The following FAIM2 variants were observed in gnomAD, a reference collection of about 807,000 sequenced individuals.
The protein encoded by FAIM2 is protein lifeguard 2.
FAIM2 carries 27 observed loss-of-function variants against 47.4 expected under a neutral mutation model. The observed-to-expected ratio is 0.57, with a 90% CI of 0.42 to 0.78. FAIM2 has a LOEUF of 0.78. FAIM2 is among the 30% of genes least tolerant of loss of function. The pLI, the probability that FAIM2 is intolerant of heterozygous loss-of-function variation, is 0.00. For synonymous variants in FAIM2, 156 were observed against 159.3 expected (o/e 0.98, Z 0.16); for missense variants, 311 against 389.4 (o/e 0.80, Z 1.69).
chr12:49,898,574 A>G (rs1198387897), intron 2 of FAIM2, among the ~76,000 whole-genome samples: 2 of 152,012 alleles, frequency 1.3e-5, no homozygotes, highest in Non-Finnish European at 2.9e-5. Context: ...CACTCAGGCT[A>G]GAGTGCAGTG....
intron 5 of FAIM2, among the ~76,000 whole-genome samples, chr12:49,894,033 A>G (rs1158209832): frequency 6.6e-6 from 1 of 152,098 alleles, no homozygotes; most frequent in Admixed American, 6.5e-5. Context: ...GGGGCCAAAG[A>G]CCCTGAGATT....
At chr12:49,886,640 A>G (rs1435200102) in intron 11 of FAIM2, among the ~76,000 whole-genome samples, 1 of 151,832 alleles carries the variant, frequency 6.6e-6, no homozygotes, top group African/African-American at 2.4e-5. Context: ...ACACCCGGCT[A>G]ATTTTTTTTG....
Position 49,890,480 on chromosome 12 carries a change from G to A in FAIM2, c.525+203C>T, listed in dbSNP as rs145286173. ...TTCACAATGAAAAAAGACAGTGGAT[G>A]GGGAACGGGCAAGATTAAGCCCATT... On this transcript the variant is annotated intron_variant, in intron 7 of 11. Transcript: ENST00000320634. Among the ~76,000 whole-genome samples the A allele has an allele frequency of 2.1e-4, 32 of 152,320 alleles. No individual in the cohort carries two copies. The East Asian group carries it at 5.2e-3, about 25-fold the overall frequency.
At chr12:49,899,383 T>C (rs946720997) in intron 2 of FAIM2, among the ~76,000 whole-genome samples, 1 of 152,182 alleles carries the variant, frequency 6.6e-6, no homozygotes, top group African/African-American at 2.4e-5. Flanking sequence ...GGTATTGCCC[T>C]GCTTTGAGCT....
rs1391165763 is a variant in FAIM2, at chr12:49,889,160, T to G, written c.694A>C (p.Met232Leu). Residue 232 changes from methionine to leucine, a missense_variant, in exon 10 of 12, where the codon ATG (methionine) becomes CTG (leucine). Met to Leu is a conservative substitution (Grantham distance 15, BLOSUM62 2). Coordinates refer to ENST00000320634, the MANE Select transcript of FAIM2 (RefSeq NM_012306.4). ...SCQGVLFVLL[M>L]TLFFSGLILA... is the part of the protein sequence containing the mutation. ...ATGAGTCCGCTGAAGAAAAGAGTCA[T>G]GAGAAGCACGAAGAGCACGCCCTGG... 6.2e-7 allele frequency: 1 copy of G among 1,612,528 alleles called. No individual in the cohort carries two copies. Among genetic ancestry groups the G allele is most frequent in the East Asian group, 2.2e-5 (1 of 44,872 alleles).
At position 49,870,464 on chromosome 12, in the gene FAIM2, G is replaced by A. The variant is rs924684574; in HGVS notation, c.*40C>T. ...CAGGGGAGGGACAGGGAACCAGGAG[G>A]GGCGCATTCTCTGGAGGACGGTGGG... On this transcript the variant is annotated 3_prime_UTR_variant, in exon 12 of 12. Coordinates refer to ENST00000320634, the MANE Select transcript of FAIM2 (RefSeq NM_012306.4). 37 of 1,590,544 alleles carry A rather than the reference G, an allele frequency of 2.3e-5. No individual in the cohort carries two copies. The highest frequency in any genetic ancestry group is 3.0e-5 in the Non-Finnish European group (35 of 1,161,914).
intron 8 of FAIM2, 104 bp downstream of exon 8, chr12:49,890,013 T>C (rs957056747): frequency 9.3e-6 from 11 of 1,178,408 alleles, no homozygotes; most frequent in Admixed American, 1.8e-5. Context: ...CCCGGGCCCA[T>C]CCACATGCTC....
rs1347449336 is a variant in FAIM2 at position 49,868,829 on chromosome 12, G to C, written c.*1675C>G. 2 of 152,332 alleles carry C rather than the reference G, an allele frequency of 1.3e-5. No homozygotes were observed. The highest frequency in any genetic ancestry group is 2.9e-5 in the Non-Finnish European group (2 of 68,154). 9.4% of individuals were successfully genotyped at this position (152,332 alleles called of 1,614,324 possible). On this transcript the variant is annotated 3_prime_UTR_variant, in exon 12 of 12. Coordinates refer to ENST00000320634, the MANE Select transcript of FAIM2 (RefSeq NM_012306.4). ...TCTCACCCGTGCCCCCAATGCCTTT[G>C]CTGCACACACACCACCCGCCAGTTC...
intron 11 of FAIM2, among the ~76,000 whole-genome samples, chr12:49,886,783 CTTAAT>C (rs1946864730): frequency 6.6e-6 from 1 of 152,114 alleles, no homozygotes; most frequent in Non-Finnish European, 1.5e-5. Flanking sequence ...GCCTCCCCAT[CTTAAT>C]TTATTAACAG....
Position 49,879,872 on chromosome 12 carries a change from G to A in FAIM2, c.801+7514C>T, listed in dbSNP as rs527573282. 2.4e-4 allele frequency among the ~76,000 whole-genome samples: 33 copies of A among 137,760 alleles called. No individual in the cohort carries two copies. In the East Asian group the frequency reaches 6.7e-3, roughly 28 times the overall value. 90.4% of individuals were successfully genotyped at this position (137,760 alleles called of 152,430 possible). ...TATGTATGTTCATGTGTATATGTACGTGTATGTGTATGTGTGCATGTGTAT... is the reference window on the plus strand; with the variant it reads ...TATGTATGTTCATGTGTATATGTACATGTATGTGTATGTGTGCATGTGTAT... On this transcript the variant is annotated intron_variant, in intron 11 of 11. Coordinates refer to ENST00000320634, the MANE Select transcript of FAIM2 (RefSeq NM_012306.4).
At chr12:49,892,383 T>A (rs546278490) in intron 5 of FAIM2, among the ~76,000 whole-genome samples, 16 of 152,192 alleles carry the variant, frequency 1.1e-4, no homozygotes, top group South Asian at 6.2e-4. Context: ...TGCCACTTCA[T>A]CCTCTCTTGC....
At position 49,889,893 on chromosome 12, in the gene FAIM2, G is replaced by A. The variant is rs532399360; in HGVS notation, c.563+224C>T. Among the ~76,000 whole-genome samples the A allele has an allele frequency of 1.7e-4, 26 of 152,194 alleles. 1 individual carries two copies. The highest frequency in any genetic ancestry group is 1.3e-3 in the Admixed American group (20 of 15,286). On this transcript the variant is annotated intron_variant, in intron 8 of 11. Coordinates refer to ENST00000320634, the MANE Select transcript of FAIM2 (RefSeq NM_012306.4). ...GGGCTTGTAAGCTACTGTTTGGGAG[G>A]AGCCACCTTGCTCCCCACCCCCTAT...
rs56101227 is a variant in FAIM2 at position 49,880,881 on chromosome 12, AGT to A, written c.801+6503_801+6504del. ...GCATGTGTGTATATGCGTGAATGTG[AGT>A]GTGTGTGTGTGTGTGTGTCTCTCTG... On this transcript the variant is annotated intron_variant, in intron 11 of 11. Coordinates refer to ENST00000320634, the MANE Select transcript of FAIM2 (RefSeq NM_012306.4). 1.9e-4 allele frequency among the ~76,000 whole-genome samples: 29 copies of A among 150,940 alleles called. No individual in the cohort carries two copies. In the South Asian group the frequency reaches 2.7e-3, roughly 14 times the overall value.
chr12:49,889,510 A>G lies in FAIM2; in HGVS notation c.622T>C (p.Ser208Pro). 6.2e-7 allele frequency: 1 copy of G among 1,614,076 alleles called. No homozygotes were observed. Reference protein sequence around the residue: ...CLGITALVCLSVTVFSFQTKF... With the variant: ...CLGITALVCLPVTVFSFQTKF... Reference sequence around the variant, plus strand: ...GTCTGGAAGCTGAAGACGGTGACTGAGAGGCAGACAAGGGCCGTGATGCCC... The same window carrying G: ...GTCTGGAAGCTGAAGACGGTGACTGGGAGGCAGACAAGGGCCGTGATGCCC... Residue 208 changes from serine (S) to proline (P), a missense_variant, in exon 9 of 12, where the codon TCA becomes CCA. Coordinates refer to ENST00000320634, the MANE Select transcript of FAIM2 (RefSeq NM_012306.4).
In FAIM2 at chr12:49,874,206, G is replaced by A. The variant is rs1946720933; in HGVS notation, c.802-3553C>T. On this transcript the variant is annotated intron_variant, in intron 11 of 11. Transcript: ENST00000320634. The surrounding 1 kb of genome is among the most constrained non-coding windows in gnomAD (Gnocchi z 4.2). The stretch of plus-strand genomic sequence containing the variant: ...GGAGACTCTGCAGGAGGAGCACATG[G>A]GATGGGGCAGGAGGCCCCCTGGGAC... Among the ~76,000 whole-genome samples, 1 of 152,170 alleles carries A rather than the reference G, an allele frequency of 6.6e-6. No individual in the cohort carries two copies. The highest frequency in any genetic ancestry group is 1.5e-5 in the Non-Finnish European group (1 of 68,028).
chr12:49,886,773 G>A (rs1324970190), intron 11 of FAIM2, among the ~76,000 whole-genome samples: 1 of 152,068 alleles, frequency 6.6e-6, no homozygotes, highest in Non-Finnish European at 1.5e-5. Context: ...ACCGTGACCG[G>A]CCTCCCCATC....
chr12:49,877,826 CTATGTGCGTA>C (rs1946747837), intron 11 of FAIM2, among the ~76,000 whole-genome samples: 1 of 148,864 alleles, frequency 6.7e-6, no homozygotes, highest in East Asian at 2.0e-4. Context: ...GTATGTGTGT[CTATGTGCGTA>C]TATGTGTGTA....
intron 2 of FAIM2, among the ~76,000 whole-genome samples, chr12:49,899,492 C>T (rs1156604519): frequency 6.6e-6 from 1 of 152,232 alleles, no homozygotes; most frequent in East Asian, 1.9e-4. Flanking sequence ...CTATACATTC[C>T]TCCCCCGATC....
intron 11 of FAIM2, among the ~76,000 whole-genome samples, chr12:49,885,710 C>T (rs1448644573): frequency 1.3e-5 from 2 of 152,162 alleles, no homozygotes; most frequent in African/African-American, 4.8e-5. Flanking sequence ...AAACCATGGA[C>T]AAATCATTCC....
Sources: allele counts gnomAD v4.1 joint callset (sites outside exome capture counted in the v4.1 genomes callset), GRCh38; gene constraint gnomAD v4.1.1; non-coding constraint Gnocchi (gnomAD v3.1); transcripts MANE v1.5; gene names NCBI Gene and HGNC (gene_info 2026-07-23, HGNC 2026-07-21).